The following PLXNA2 variants were observed in gnomAD, a reference collection of about 807,000 sequenced individuals.
The protein encoded by PLXNA2 is plexin A2, also known as plexin-A2.
A neutral mutation model predicts 193.5 loss-of-function variants in PLXNA2; 91 were observed. That is an observed-to-expected ratio of 0.47 (90% CI 0.40 to 0.56). The LOEUF (loss-of-function observed/expected upper bound fraction) is 0.56. Ranked by LOEUF, PLXNA2 falls within the 20% of genes least tolerant of loss-of-function variation. The probability of loss-of-function intolerance (pLI) is 0.00; values close to 1 mark genes in which losing one functional copy is unlikely to be tolerated. For missense variants in PLXNA2, 1,995 were observed against 2,503.2 expected (o/e 0.80, Z 4.33); for synonymous variants, 997 against 1,027.3 (o/e 0.97, Z 0.56).
intron 12 of PLXNA2, among the ~76,000 whole-genome samples, chr1:208,073,937 A>G (rs901593280): frequency 6.6e-6 from 1 of 152,176 alleles, no homozygotes; most frequent in Non-Finnish European, 1.5e-5. Flanking sequence ...AGCGCTCAGA[A>G]GGAACCCACG....
chr1:208,106,066 G>C (rs1400305599), intron 4 of PLXNA2, among the ~76,000 whole-genome samples: 1 of 54,994 alleles, frequency 1.8e-5, no homozygotes, highest in Admixed American at 2.8e-4. Flanking sequence ...GGCCCTCCTG[G>C]TGATTTTTTT....
intron 3 of PLXNA2, among the ~76,000 whole-genome samples, chr1:208,186,887 T>A (rs1185447095): frequency 1.3e-5 from 2 of 148,236 alleles, no homozygotes; most frequent in African/African-American, 5.1e-5. Context: ...GCCCGGCTAA[T>A]TTTTTTTGTA....
intron 3 of PLXNA2, among the ~76,000 whole-genome samples, chr1:208,179,207 C>T (rs892351550): frequency 3.3e-5 from 5 of 152,164 alleles, no homozygotes; most frequent in Non-Finnish European, 5.9e-5. Context: ...CCTAAGCATC[C>T]TCGCCATTGA....
chr1:208,123,325 T>G (rs958290607), intron 4 of PLXNA2, among the ~76,000 whole-genome samples: 1 of 152,234 alleles, frequency 6.6e-6, no homozygotes, highest in African/African-American at 2.4e-5. Context: ...AGTGTCATGA[T>G]GGAAACTGTC....
intron 3 of PLXNA2, among the ~76,000 whole-genome samples, chr1:208,188,059 C>T (rs1247380591): frequency 2.0e-5 from 3 of 152,200 alleles, no homozygotes; most frequent in Non-Finnish European, 4.4e-5. Context: ...CTCCACATTG[C>T]ACCACCACCA....
intron 3 of PLXNA2, among the ~76,000 whole-genome samples, chr1:208,187,577 C>T (rs1040300645): frequency 1.3e-5 from 2 of 152,210 alleles, no homozygotes; most frequent in African/African-American, 2.4e-5. Flanking sequence ...ACCTGAAACT[C>T]TCACAAGATA....
chr1:208,162,297 T>C (rs1390800264), intron 3 of PLXNA2, among the ~76,000 whole-genome samples: 1 of 152,120 alleles, frequency 6.6e-6, no homozygotes, highest in Non-Finnish European at 1.5e-5. Flanking sequence ...CATCTGTTCT[T>C]CTCCAAAGAG....
Position 208,045,047 on chromosome 1 carries a change from C to T in PLXNA2, c.3639+20G>A, listed in dbSNP as rs201685586. On this transcript the variant is annotated intron_variant, in intron 19 of 31. Transcript: ENST00000367033. ...ACCACGAGGCGGGAAGGAGGCATTA[C>T]AGACGCAGGGCTCACTCACCATGAC... 2.6e-4 allele frequency: 424 copies of T among 1,613,944 alleles called. 1 individual carries two copies. The African/African-American group carries it at 5.2e-3, about 20-fold the overall frequency.
At chr1:208,130,584 C>A (rs1668115946) in intron 4 of PLXNA2, among the ~76,000 whole-genome samples, 1 of 152,182 alleles carries the variant, frequency 6.6e-6, no homozygotes, top group Non-Finnish European at 1.5e-5. Context: ...AATGTCATTG[C>A]CGCAAGGGGC....
At chr1:208,137,551 A>G (rs796187911) in intron 4 of PLXNA2, among the ~76,000 whole-genome samples, 5 of 152,288 alleles carry the variant, frequency 3.3e-5, no homozygotes, top group African/African-American at 1.2e-4. Flanking sequence ...CATGCCCATA[A>G]CATCTGCTGA....
chr1:208,117,258 C>T (rs1221819738), intron 4 of PLXNA2, among the ~76,000 whole-genome samples: 1 of 152,018 alleles, frequency 6.6e-6, no homozygotes, highest in Non-Finnish European at 1.5e-5. Context: ...CCTAACCACC[C>T]TTCAACAGGA....
intron 3 of PLXNA2, among the ~76,000 whole-genome samples, chr1:208,150,692 C>G (rs1668732855): frequency 6.6e-6 from 1 of 152,118 alleles, no homozygotes; most frequent in Non-Finnish European, 1.5e-5. Flanking sequence ...GATGGCCAAG[C>G]CATCACTGGT....
intron 4 of PLXNA2, among the ~76,000 whole-genome samples, chr1:208,118,137 T>C (rs1667695433): frequency 6.6e-6 from 1 of 152,210 alleles, no homozygotes; most frequent in African/African-American, 2.4e-5. Flanking sequence ...CATATTGTCA[T>C]GAGGTTCACA....
chr1:208,241,276 C>T (rs1672040942), intron 1 of PLXNA2, among the ~76,000 whole-genome samples: 1 of 152,204 alleles, frequency 6.6e-6, no homozygotes, highest in Admixed American at 6.5e-5. Context: ...GGTGAAGGAA[C>T]TTTTACATTC....
intron 5 of PLXNA2, among the ~76,000 whole-genome samples, chr1:208,101,059 G>T (rs898586977): frequency 1.1e-4 from 17 of 152,228 alleles, no homozygotes; most frequent in Non-Finnish European, 2.2e-4. Context: ...AATTATTGAG[G>T]TTTAAGTGAA....
At chr1:208,129,669 A>G (rs900121487) in intron 4 of PLXNA2, among the ~76,000 whole-genome samples, 2 of 152,028 alleles carry the variant, frequency 1.3e-5, no homozygotes, top group African/African-American at 2.4e-5. Flanking sequence ...CTAGAGCATC[A>G]CCTCCTCCAG....
At chr1:208,154,975 C>T (rs1009976454) in intron 3 of PLXNA2, among the ~76,000 whole-genome samples, 1 of 152,192 alleles carries the variant, frequency 6.6e-6, no homozygotes, top group Non-Finnish European at 1.5e-5. Context: ...GATTCATAGA[C>T]TTGGGTGGGA....
chr1:208,116,592 G>A (rs1007318588), intron 4 of PLXNA2, among the ~76,000 whole-genome samples: 3 of 152,086 alleles, frequency 2.0e-5, no homozygotes, highest in African/African-American at 7.2e-5. Context: ...TTGGTGTCAC[G>A]GAAAGGACAT....
At chr1:208,185,507 CAG>C (rs1303794855) in intron 3 of PLXNA2, among the ~76,000 whole-genome samples, 1 of 151,888 alleles carries the variant, frequency 6.6e-6, no homozygotes, top group African/African-American at 2.4e-5. Context: ...AGAAAATCAG[CAG>C]AGTCATCAGT....
Sources: gnomAD v4.1 joint callset for allele counts (sites outside exome capture counted in the v4.1 genomes callset) on GRCh38, gnomAD v4.1.1 for gene constraint, MANE v1.5 for transcripts, NCBI Gene and HGNC (gene_info 2026-07-23, HGNC 2026-07-21) for gene names.